TBC1D4: variants seen among roughly 807,000 people sequenced by gnomAD.
TBC1D4 encodes the protein TBC1 domain family member 4.
A neutral mutation model predicts 142.5 loss-of-function variants in TBC1D4; 121 were observed. The observed-to-expected ratio is 0.85, with a 90% CI of 0.73 to 0.99. The LOEUF is 0.99. TBC1D4 is among the 50% of genes least tolerant of loss of function. The pLI is 0.00. For synonymous variants in TBC1D4, 630 were observed against 628.2 expected, an observed-to-expected ratio of 1.00 and a Z score of -0.04; for missense variants, 1,475 against 1,606.6, an observed-to-expected ratio of 0.92 and a Z score of 1.40.
Position 75,342,015 on chromosome 13 carries a change from C to T in TBC1D4, c.1409-428G>A, listed in dbSNP as rs1232882195. On this transcript the variant is annotated intron_variant, in intron 5 of 20. Transcript: ENST00000377636. ...GACAAGCATGAAGCAAATTCTAGTT[C>T]TTTTACACCCTGTCTCTACTAAAAA... Among the ~76,000 whole-genome samples, 5 of 152,174 alleles carry T rather than the reference C, an allele frequency of 3.3e-5. No individual in the cohort carries two copies. In the South Asian group the frequency reaches 1.0e-3, roughly 32 times the overall value.
chr13:75,366,032 G>T (rs1882887749), intron 1 of TBC1D4, among the ~76,000 whole-genome samples: 3 of 152,144 alleles, frequency 2.0e-5, no homozygotes, highest in Admixed American at 6.5e-5. Context: ...TATGTTTCCA[G>T]AATGACTCTA....
chr13:75,479,841 TTGCCATAAACATAACAGTTA>T (rs1349767452), intron 1 of TBC1D4, among the ~76,000 whole-genome samples: 5 of 152,228 alleles, frequency 3.3e-5, no homozygotes, highest in Non-Finnish European at 7.3e-5. Flanking sequence ...GTACGATATT[TTGCCATAAACATAACAGTTA>T]TGCCATAAAC....
chr13:75,412,155 A>C (rs1417794869), intron 1 of TBC1D4, among the ~76,000 whole-genome samples: 1 of 152,196 alleles, frequency 6.6e-6, no homozygotes, highest in South Asian at 2.1e-4. Flanking sequence ...TACCCTCCCA[A>C]TTCACCCTAA....
chr13:75,428,841 C>T (rs1428066116), intron 1 of TBC1D4, among the ~76,000 whole-genome samples: 1 of 152,208 alleles, frequency 6.6e-6, no homozygotes, highest in East Asian at 1.9e-4. Flanking sequence ...CAACCCCTTT[C>T]ATCACACATT....
At chr13:75,402,771 GA>G (rs1187029126) in intron 1 of TBC1D4, among the ~76,000 whole-genome samples, 7 of 150,894 alleles carry the variant, frequency 4.6e-5, no homozygotes, top group Non-Finnish European at 8.8e-5. Context: ...GGTTAGTACA[GA>G]AAAAAAGGTA....
chr13:75,426,362 A>G (rs1371776676), intron 1 of TBC1D4, among the ~76,000 whole-genome samples: 3 of 152,212 alleles, frequency 2.0e-5, no homozygotes, highest in Non-Finnish European at 4.4e-5. Flanking sequence ...AAGTCCCCTT[A>G]TCAAAATAAC....
chr13:75,481,098 A>C (rs968193939), intron 1 of TBC1D4, among the ~76,000 whole-genome samples, 172 bp downstream of exon 1: 2 of 151,098 alleles, frequency 1.3e-5, no homozygotes, highest in African/African-American at 4.9e-5. Context: ...CTTCTCTCCC[A>C]CTCCCAAGGT....
rs1877577733 is a variant in TBC1D4 at position 75,309,998 on chromosome 13, G to C, written c.2537C>G (p.Ala846Gly). The C allele has an allele frequency of 6.2e-7, 1 of 1,613,982 alleles. No homozygotes were observed. ...SKELRSLWRK[A>G]IHQQILLLRM... ...AAGTAACAAGATTTGTTGGTGTATA[G>C]CTTTTCTCCACAAGCTCCTCAGTTC... Residue 846 changes from alanine (A) to glycine (G), a missense_variant, in exon 14 of 21, where the codon GCT becomes GGT. Around this residue, in one of 2 missense-constraint regions of TBC1D4, gnomAD observed 1,227 missense variants for 1,267.7 expected, o/e 0.97. Coordinates refer to ENST00000377636, the MANE Select transcript of TBC1D4 (RefSeq NM_014832.5).
At position 75,362,480 on chromosome 13, in the gene TBC1D4, T is replaced by A; in HGVS notation, c.626A>T (p.Lys209Met). The change falls in exon 2 of 21, where the codon AAG becomes ATG. Residue 209 changes from lysine (K) to methionine (M), a missense_variant. By Grantham distance (95) the Lys-to-Met change is moderately conservative (BLOSUM62 -1). Coordinates refer to ENST00000377636, the MANE Select transcript of TBC1D4 (RefSeq NM_014832.5). This position sits in a 1 kb window ranked among gnomAD's most constrained non-coding sequence, Gnocchi z 4.2. ...SQKFEVLYCG[K>M]VTVTHKKAPS... is the part of the protein sequence containing the mutation. The stretch of plus-strand genomic sequence containing the variant: ...GGCCTTCTTGTGGGTCACGGTCACC[T>A]TTCCACAGTACAGGACTTCGAACTT... 1 of 1,614,224 alleles carries A rather than the reference T, an allele frequency of 6.2e-7. No individual in the cohort carries two copies. Among genetic ancestry groups the A allele is most frequent in the Non-Finnish European group, 8.5e-7 (1 of 1,180,036 alleles).
Position 75,481,462 on chromosome 13 carries a change from C to T in TBC1D4, c.306G>A (p.Ser102=). 6.2e-7 allele frequency: 1 copy of T among 1,613,696 alleles called. No individual in the cohort carries two copies. The highest frequency in any genetic ancestry group is 8.5e-7 in the Non-Finnish European group (1 of 1,179,740). The change falls in exon 1 of 21, where the codon TCG becomes TCA. Residue 102 remains serine, a synonymous_variant. Coordinates refer to ENST00000377636, the MANE Select transcript of TBC1D4 (RefSeq NM_014832.5). ...GCGTGGCCGACGGACTAGTGCCCCC[C>T]GAGGCCCCAGCGCCCGGCGCGGGGA... ...RCVPAPGAGA[S]GGTSPSATQP... is the part of the protein sequence containing the mutation.
chr13:75,327,705 T>C, intron 9 of TBC1D4, 47 bp downstream of exon 9: 1 of 1,578,644 alleles, frequency 6.3e-7, no homozygotes, highest in South Asian at 1.1e-5. Flanking sequence ...ATATCGGTGC[T>C]GACTTTGTTA....
intron 14 of TBC1D4, among the ~76,000 whole-genome samples, chr13:75,308,714 G>A (rs1877430185): frequency 6.6e-6 from 1 of 152,060 alleles, no homozygotes; most frequent in South Asian, 2.1e-4. Context: ...TTACAAATAT[G>A]AATTCAATTT....
intron 1 of TBC1D4, among the ~76,000 whole-genome samples, chr13:75,380,535 A>AGATTTTTTTTTT (rs1883777016): frequency 8.7e-6 from 1 of 115,072 alleles, no homozygotes; most frequent in Non-Finnish European, 2.0e-5. Flanking sequence ...GAACTAGATA[A>AGATTTTTTTTTT]GATTTTTTTT....
chr13:75,305,417 T>C (rs1034704081), intron 15 of TBC1D4, among the ~76,000 whole-genome samples: 1 of 152,194 alleles, frequency 6.6e-6, no homozygotes, highest in South Asian at 2.1e-4. Context: ...AATGGTGTGA[T>C]CTACATCTCA....
intron 14 of TBC1D4, among the ~76,000 whole-genome samples, chr13:75,308,109 C>T (rs1166968554): frequency 1.3e-5 from 2 of 152,132 alleles, no homozygotes; most frequent in African/African-American, 2.4e-5. Flanking sequence ...AACTGTTTAA[C>T]TAGAAAAGAC....
At chr13:75,395,539 TA>T (rs2138323506) in intron 1 of TBC1D4, among the ~76,000 whole-genome samples, 1 of 152,106 alleles carries the variant, frequency 6.6e-6, no homozygotes, top group East Asian at 1.9e-4. Context: ...ACAGTGAAAA[TA>T]AATGATACGG....
chr13:75,369,294 G>C (rs556141159), intron 1 of TBC1D4, among the ~76,000 whole-genome samples: 1 of 152,250 alleles, frequency 6.6e-6, no homozygotes, highest in East Asian at 1.9e-4. Flanking sequence ...AGGAGTTCAA[G>C]ACCAGCCTGG....
At chr13:75,442,296 GT>G (rs1463785715) in intron 1 of TBC1D4, among the ~76,000 whole-genome samples, 4 of 152,160 alleles carry the variant, frequency 2.6e-5, no homozygotes, top group African/African-American at 7.2e-5. Flanking sequence ...TTAGAACTAA[GT>G]TTTTTTAAGT....
At chr13:75,386,581 G>T (rs1884186138) in intron 1 of TBC1D4, among the ~76,000 whole-genome samples, 1 of 151,314 alleles carries the variant, frequency 6.6e-6, no homozygotes, top group African/African-American at 2.4e-5. Context: ...ATAGAGACAG[G>T]GTTTCACCAC....
Sources: gnomAD v4.1 joint callset for allele counts (sites outside exome capture counted in the v4.1 genomes callset) on GRCh38, gnomAD v4.1.1 for gene constraint, gnomAD v4.1.1 regional missense constraint, Gnocchi (gnomAD v3.1) non-coding constraint, MANE v1.5 for transcripts, NCBI Gene and HGNC (gene_info 2026-07-23, HGNC 2026-07-21) for gene names.